Variants in CCDC63 observed in about 807,000 individuals in gnomAD.
CCDC63 encodes the protein coiled-coil domain-containing protein 63.
A neutral mutation model predicts 63.6 loss-of-function variants in CCDC63; 54 were observed. The ratio of observed to expected loss-of-function variants is 0.85; its 90% CI spans 0.68 to 1.07. The LOEUF is 1.07. Among genes scored for constraint, CCDC63 ranks in the 50% least tolerant of loss-of-function variants. The pLI is 0.00. For synonymous variants in CCDC63, 253 were observed against 266.1 expected, an observed-to-expected ratio of 0.95 and a Z score of 0.48; for missense variants, 637 against 689.6, an observed-to-expected ratio of 0.92 and a Z score of 0.86.
chr12:110,894,624 A>G (rs1257739014), intron 9 of CCDC63, among the ~76,000 whole-genome samples: 2 of 152,212 alleles, frequency 1.3e-5, no homozygotes, highest in Non-Finnish European at 2.9e-5. Flanking sequence ...GGTATGGGGA[A>G]TAACAGGGTT....
Position 110,856,686 on chromosome 12 carries a change from G to T in CCDC63, c.180-1900G>T, listed in dbSNP as rs1449612721. Among the ~76,000 whole-genome samples, 3 of 152,028 alleles carry T rather than the reference G, an allele frequency of 2.0e-5. No individual in the cohort carries two copies. The East Asian group carries it at 5.8e-4, about 29-fold the overall frequency. On this transcript the variant is annotated intron_variant, in intron 3 of 11. Transcript: ENST00000308208. Reference sequence around the variant, plus strand: ...CCCCTCAGAGAACATTTTCATCACTGCAGAACGTCCTATTAGAATGGGATC... The same window carrying T: ...CCCCTCAGAGAACATTTTCATCACTTCAGAACGTCCTATTAGAATGGGATC...
Position 110,904,697 on chromosome 12 carries a change from C to G in CCDC63, c.1452C>G (p.Phe484Leu). The G allele has an allele frequency of 6.2e-7, 1 of 1,614,122 alleles. No homozygotes were observed. The highest frequency in any genetic ancestry group is 1.1e-5 in the South Asian group (1 of 91,080). ...TCCCGCCACCCTTCATCAACCCTTT[C>G]TGGGGTGGCTCTGCCCTCCTCAAGC... The part of the protein sequence containing the change: ...AEIPPPFINP[F>L]WGGSALLKPP... The change falls in exon 11 of 12, where the codon TTC becomes TTG. Residue 484 changes from phenylalanine to leucine, a missense_variant. By Grantham distance (22) the Phe-to-Leu change is conservative. Transcript: ENST00000308208.
upstream of CCDC63, among the ~76,000 whole-genome samples, chr12:110,845,094 A>G (rs1340399485): frequency 1.3e-5 from 2 of 152,192 alleles, no homozygotes; most frequent in African/African-American, 4.8e-5. Context: ...CGATTCTGAC[A>G]TGTTCTAATT....
At position 110,850,763 on chromosome 12, in the gene CCDC63, AAAAAT is replaced by A. The variant is rs1170367011; in HGVS notation, c.-96-2092_-96-2088del. ...TCTAAAAATAAGTAAATAAATAAATAAAAATAAAGAGCAGCGTCCAGTCTTTTACA... is the reference window on the plus strand; with the variant it reads ...TCTAAAAATAAGTAAATAAATAAATAAAAGAGCAGCGTCCAGTCTTTTACA... On this transcript the variant is annotated intron_variant, in intron 1 of 11. Transcript: ENST00000308208. Among the ~76,000 whole-genome samples, 4 of 152,198 alleles carry A rather than the reference AAAAAT, an allele frequency of 2.6e-5. No individual in the cohort carries two copies. The South Asian group carries it at 8.3e-4, about 31-fold the overall frequency.
chr12:110,876,703 A>G (rs947658899), intron 5 of CCDC63, among the ~76,000 whole-genome samples: 2 of 152,050 alleles, frequency 1.3e-5, no homozygotes, highest in Non-Finnish European at 2.9e-5. Flanking sequence ...GGAGCACTTT[A>G]CGTGGTCTTT....
At chr12:110,866,514 A>C (rs1474155919) in intron 4 of CCDC63, among the ~76,000 whole-genome samples, 1 of 135,562 alleles carries the variant, frequency 7.4e-6, no homozygotes, top group Non-Finnish European at 1.6e-5. Flanking sequence ...GGGATTGGTG[A>C]TGACTCTTAA....
At chr12:110,898,885 C>A in intron 9 of CCDC63, 48 bp from the exon 10 acceptor site, 1 of 1,467,814 alleles carries the variant, frequency 6.8e-7, no homozygotes, top group Non-Finnish European at 9.1e-7. Flanking sequence ...AAACACCCTG[C>A]CCACTGAAAG....
chr12:110,905,329 A>G (rs1197223966), intron 11 of CCDC63, among the ~76,000 whole-genome samples: 1 of 151,984 alleles, frequency 6.6e-6, no homozygotes, highest in Non-Finnish European at 1.5e-5. Flanking sequence ...GGCTCTTCCA[A>G]CACCAGCCCA....
intron 4 of CCDC63, among the ~76,000 whole-genome samples, chr12:110,865,095 T>C (rs1039094354): frequency 6.6e-6 from 1 of 152,142 alleles, no homozygotes; most frequent in Non-Finnish European, 1.5e-5. Flanking sequence ...GCTGGTTTAG[T>C]CCTGCTTACT....
At chr12:110,846,377 C>T (rs1477479905), upstream of CCDC63, among the ~76,000 whole-genome samples, 1 of 152,096 alleles carries the variant, frequency 6.6e-6, no homozygotes, top group African/African-American at 2.4e-5. Flanking sequence ...CACTAAACTC[C>T]GTTAGGGCAG....
intron 4 of CCDC63, among the ~76,000 whole-genome samples, chr12:110,867,602 G>A (rs1468806681): frequency 6.8e-5 from 9 of 133,182 alleles, no homozygotes; most frequent in Non-Finnish European, 1.3e-4. Context: ...CCTCCCAGAC[G>A]GGGCGGCTGG....
intron 10 of CCDC63, among the ~76,000 whole-genome samples, chr12:110,900,351 A>C (rs888302890): frequency 3.3e-5 from 5 of 152,202 alleles, no homozygotes; most frequent in African/African-American, 1.2e-4. Context: ...CACCATGCCT[A>C]TTCAGTGCTG....
At chr12:110,861,726 A>ATTTTTTTT (rs68137795) in intron 4 of CCDC63, among the ~76,000 whole-genome samples, 1 of 138,422 alleles carries the variant, frequency 7.2e-6, no homozygotes. Flanking sequence ...TGCCTGGCTA[A>ATTTTTTTT]TTTTTTTTTT....
At chr12:110,850,160 G>A (rs532141293) in intron 1 of CCDC63, among the ~76,000 whole-genome samples, 2 of 152,336 alleles carry the variant, frequency 1.3e-5, no homozygotes, top group East Asian at 3.9e-4. Context: ...TAGATCTGGG[G>A]ACCTGTCTTG....
Position 110,907,060 on chromosome 12 carries a change from T to C in CCDC63, c.1547-271T>C, listed in dbSNP as rs2071597709. On this transcript the variant is annotated intron_variant, in intron 11 of 11. Coordinates refer to ENST00000308208, the MANE Select transcript of CCDC63 (RefSeq NM_152591.3). The surrounding 1 kb of genome is among the most constrained non-coding windows in gnomAD (Gnocchi z 4.4). Reference sequence around the variant, plus strand: ...ATCCATCTACCGCTCTCCTCAGGTGTCTTTGTGCAGTGCACATCCTGAACA... The same window carrying C: ...ATCCATCTACCGCTCTCCTCAGGTGCCTTTGTGCAGTGCACATCCTGAACA... Among the ~76,000 whole-genome samples the C allele has an allele frequency of 6.6e-6, 1 of 152,220 alleles. No individual in the cohort carries two copies. The highest frequency in any genetic ancestry group is 6.5e-5 in the Admixed American group (1 of 15,282).
At chr12:110,845,320 A>G (rs1361996875), upstream of CCDC63, among the ~76,000 whole-genome samples, 1 of 152,088 alleles carries the variant, frequency 6.6e-6, no homozygotes, top group African/African-American at 2.4e-5. Flanking sequence ...GAGATGGGAG[A>G]TATCAGCTTG....
Position 110,893,077 on chromosome 12 carries a change from A to G in CCDC63, c.1076A>G (p.Asp359Gly), listed in dbSNP as rs1451302666. Residue 359 changes from aspartate (D) to glycine (G), a missense_variant and splice_region_variant, in exon 9 of 12, where the codon GAC (aspartate) becomes GGC (glycine). Transcript: ENST00000308208. Reference sequence around the variant, plus strand: ...ATGGTCTTGTTCTCTCCCGAGCAGGACGAGATCATCCTCTTGCGATCCCAG... The same window carrying G: ...ATGGTCTTGTTCTCTCCCGAGCAGGGCGAGATCATCCTCTTGCGATCCCAG... ...MMHKRTQRIQ[D>G]EIILLRSQQK... 1 of 1,613,956 alleles carries G rather than the reference A, an allele frequency of 6.2e-7. No individual in the cohort carries two copies. Among genetic ancestry groups the G allele is most frequent in the Admixed American group, 1.7e-5 (1 of 59,990 alleles).
intron 4 of CCDC63, among the ~76,000 whole-genome samples, chr12:110,873,436 C>CA (rs534558861): frequency 2.7e-4 from 41 of 152,152 alleles, no homozygotes; most frequent in Admixed American, 2.1e-3. Flanking sequence ...TTGCAAGAGC[C>CA]AAAAAATCAC....
chr12:110,868,914 C>A (rs562371059), intron 4 of CCDC63, among the ~76,000 whole-genome samples: 1 of 152,310 alleles, frequency 6.6e-6, no homozygotes, highest in East Asian at 1.9e-4. Flanking sequence ...GCTATCATCT[C>A]TGCCATCCTG....
Sources: allele counts gnomAD v4.1 joint callset (sites outside exome capture counted in the v4.1 genomes callset), GRCh38; gene constraint gnomAD v4.1.1; non-coding constraint Gnocchi (gnomAD v3.1); transcripts MANE v1.5; gene names NCBI Gene and HGNC (gene_info 2026-07-23, HGNC 2026-07-21).